IL1RAPL1: variants seen among roughly 807,000 people sequenced by gnomAD.
IL1RAPL1 encodes the protein interleukin-1 receptor accessory protein-like 1.
IL1RAPL1 carries 3 observed loss-of-function variants against 48.4 expected under a neutral mutation model. That is an observed-to-expected ratio of 0.06 (90% CI 0.03 to 0.16). IL1RAPL1 has a LOEUF of 0.16. Among genes scored for constraint, IL1RAPL1 ranks in the 10% least tolerant of loss-of-function variants. The probability of loss-of-function intolerance (pLI) is 1.00; values close to 1 mark genes in which losing one functional copy is unlikely to be tolerated. For synonymous variants in IL1RAPL1, 185 were observed against 187.7 expected, an observed-to-expected ratio of 0.99 and a Z score of 0.12; for missense variants, 349 against 530.6, an observed-to-expected ratio of 0.66 and a Z score of 3.36.
At chrX:29,582,356 T>C (rs184362009) in intron 5 of IL1RAPL1, among the ~76,000 whole-genome samples, 21 of 56,583 alleles carry the variant, frequency 3.7e-4, no homozygotes, top group African/African-American at 2.0e-3. Flanking sequence ...CATCTTTTTT[T>C]TTTTATTTTT....
chrX:29,005,114 C>G (rs1008026216), intron 2 of IL1RAPL1, among the ~76,000 whole-genome samples: 3 of 112,206 alleles, frequency 2.7e-5, no homozygotes, highest in Non-Finnish European at 3.8e-5. Context: ...AGAAAACCAA[C>G]TTAAAAATTA....
intron 2 of IL1RAPL1, among the ~76,000 whole-genome samples, chrX:29,159,075 C>T (rs1205857526): frequency 1.9e-5 from 2 of 106,601 alleles, no homozygotes; most frequent in African/African-American, 6.9e-5. Context: ...TCTCGGCTCA[C>T]TGCAACCTCT....
intron 6 of IL1RAPL1, among the ~76,000 whole-genome samples, chrX:29,819,556 A>G (rs1172888858): frequency 9.0e-6 from 1 of 111,043 alleles, no homozygotes; most frequent in Non-Finnish European, 1.9e-5. Flanking sequence ...AACAAAACCA[A>G]CAATCATTTT....
chrX:29,075,266 A>G (rs1927645423), intron 2 of IL1RAPL1, among the ~76,000 whole-genome samples: 1 of 111,911 alleles, frequency 8.9e-6, no homozygotes, highest in Non-Finnish European at 1.9e-5. Context: ...AGACATATTT[A>G]GAGTAGAAAA....
At chrX:29,506,474 T>C (rs1483127721) in intron 5 of IL1RAPL1, among the ~76,000 whole-genome samples, 1 of 88,171 alleles carries the variant, frequency 1.1e-5, no homozygotes, top group African/African-American at 5.8e-5. Context: ...TCCTTCTCAT[T>C]CTTCTTCTTC....
chrX:28,919,886 A>T (rs1211814572), intron 2 of IL1RAPL1, among the ~76,000 whole-genome samples: 1 of 112,209 alleles, frequency 8.9e-6, no homozygotes, highest in Non-Finnish European at 1.9e-5. Flanking sequence ...CAACATACTA[A>T]GTTTAAGTGT....
At chrX:29,689,220 G>C (rs6630939) in intron 6 of IL1RAPL1, among the ~76,000 whole-genome samples, 43,816 of 110,114 alleles carry the variant, frequency 0.4, 6,389 homozygotes, top group South Asian at 0.52. Context: ...TAGACACATC[G>C]TAGTATCTAA....
At chrX:28,635,791 C>T (rs371917487) in intron 1 of IL1RAPL1, among the ~76,000 whole-genome samples, 1 of 111,698 alleles carries the variant, frequency 9.0e-6, no homozygotes, top group African/African-American at 3.2e-5. Context: ...GTAACTTTAT[C>T]ATGGCGTGTG....
At chrX:29,287,157 TTATTAATGCAA>T (rs1454059268) in intron 3 of IL1RAPL1, among the ~76,000 whole-genome samples, 4 of 111,902 alleles carry the variant, frequency 3.6e-5, no homozygotes, top group Non-Finnish European at 7.5e-5. Flanking sequence ...TTTTGTTAAT[TTATTAATGCAA>T]TATTAATGAA....
chrX:29,799,256 A>G (rs781128192), intron 6 of IL1RAPL1, among the ~76,000 whole-genome samples: 1 of 112,437 alleles, frequency 8.9e-6, no homozygotes, highest in Non-Finnish European at 1.9e-5. Flanking sequence ...GTTTCGTTAT[A>G]CTTTTCTTGA....
intron 6 of IL1RAPL1, among the ~76,000 whole-genome samples, chrX:29,874,637 G>T (rs1015077317): frequency 8.9e-6 from 1 of 112,449 alleles, no homozygotes; most frequent in African/African-American, 3.2e-5. Flanking sequence ...TATATATGAG[G>T]AATGATCCCT....
At chrX:29,454,202 T>A (rs1934713132) in intron 5 of IL1RAPL1, among the ~76,000 whole-genome samples, 1 of 112,329 alleles carries the variant, frequency 8.9e-6, no homozygotes. Context: ...AAGAAAAGTG[T>A]GGTTAGATAA....
rs1234368175 is a variant in IL1RAPL1 at position 29,839,767 on chromosome X, TA to T, written c.779-77692del. Among the ~76,000 whole-genome samples the T allele has an allele frequency of 3.6e-5, 4 of 110,688 alleles. No individual in the cohort carries two copies. In the South Asian group the frequency reaches 1.5e-3, roughly 42 times the overall value. On this transcript the variant is annotated intron_variant, in intron 6 of 10. Coordinates refer to ENST00000378993, the MANE Select transcript of IL1RAPL1 (RefSeq NM_014271.4). The stretch of plus-strand genomic sequence containing the variant: ...TTTGTCTCTACAAAAATATTTTTTT[TA>T]AAAATTAGCCAAACATGGCGGTGCT...
intron 1 of IL1RAPL1, among the ~76,000 whole-genome samples, chrX:28,649,053 A>G (rs1333597835): frequency 8.9e-6 from 1 of 112,138 alleles, no homozygotes; most frequent in Non-Finnish European, 1.9e-5. Flanking sequence ...GGAAGCCACA[A>G]GGGTGGTCAT....
At chrX:29,108,879 C>A (rs1928502394) in intron 2 of IL1RAPL1, among the ~76,000 whole-genome samples, 1 of 110,767 alleles carries the variant, frequency 9.0e-6, no homozygotes, top group African/African-American at 3.3e-5. Context: ...CAATGTGATT[C>A]AATGAAGATT....
chrX:29,606,701 T>C (rs1408563974), intron 5 of IL1RAPL1, among the ~76,000 whole-genome samples: 1 of 112,094 alleles, frequency 8.9e-6, no homozygotes, highest in African/African-American at 3.2e-5. Context: ...CATAATAGTT[T>C]GGAATTGCCT....
chrX:29,189,752 A>T (rs1293322571), intron 2 of IL1RAPL1, among the ~76,000 whole-genome samples: 1 of 111,737 alleles, frequency 8.9e-6, no homozygotes, highest in Admixed American at 9.6e-5. Context: ...GTTGTCTGGG[A>T]TAATGTGTGA....
At chrX:28,911,271 A>G (rs1168677010) in intron 2 of IL1RAPL1, among the ~76,000 whole-genome samples, 1 of 111,680 alleles carries the variant, frequency 9.0e-6, no homozygotes, top group African/African-American at 3.2e-5. Context: ...TCATAAATAA[A>G]GCTTTTTTTT....
intron 6 of IL1RAPL1, among the ~76,000 whole-genome samples, chrX:29,803,455 GTATA>G (rs1163271811): frequency 1.1e-5 from 1 of 87,747 alleles, no homozygotes; most frequent in Non-Finnish European, 2.3e-5. Context: ...ATATATGTGT[GTATA>G]TATGTATATA....
Sources: gnomAD v4.1 joint callset for allele counts (sites outside exome capture counted in the v4.1 genomes callset) on GRCh38, gnomAD v4.1.1 for gene constraint, MANE v1.5 for transcripts, NCBI Gene and HGNC (gene_info 2026-07-23, HGNC 2026-07-21) for gene names.